The following PLEKHA7 variants were observed in gnomAD, a reference collection of about 807,000 sequenced individuals.
PLEKHA7 encodes pleckstrin homology domain-containing family A member 7.
Under a neutral mutation model 170.0 loss-of-function variants are expected in PLEKHA7, and 104 were observed. The observed-to-expected ratio is 0.61, with a 90% confidence interval of 0.52 to 0.72. The LOEUF is 0.72. Ranked by LOEUF, PLEKHA7 falls within the 30% of genes least tolerant of loss-of-function variation. PLEKHA7 has a pLI of 0.00. For missense variants in PLEKHA7, 1,615 were observed against 1,671.7 expected, an observed-to-expected ratio of 0.97 and a Z score of 0.59; for synonymous variants, 648 against 660.8, an observed-to-expected ratio of 0.98 and a Z score of 0.30.
intron 3 of PLEKHA7, among the ~76,000 whole-genome samples, chr11:16,977,368 A>C (rs1863133347): frequency 6.6e-6 from 1 of 152,002 alleles, no homozygotes; most frequent in Non-Finnish European, 1.5e-5. Context: ...ACTGTTACAC[A>C]TTGCTCACAC....
chr11:16,793,672 G>T (rs1848013565), intron 19 of PLEKHA7, among the ~76,000 whole-genome samples: 1 of 152,220 alleles, frequency 6.6e-6, no homozygotes, highest in Non-Finnish European at 1.5e-5. Flanking sequence ...GCCAAGGCTG[G>T]CCTGGCCCTG....
intron 13 of PLEKHA7, 49 bp from the exon 14 acceptor site, chr11:16,803,344 A>C: frequency 6.4e-7 from 1 of 1,559,680 alleles, no homozygotes; most frequent in African/African-American, 1.4e-5. Flanking sequence ...GTTTGAGATC[A>C]GAACTCAGGA....
chr11:16,858,138 G>A (rs376307624), intron 4 of PLEKHA7, among the ~76,000 whole-genome samples: 58 of 152,292 alleles, frequency 3.8e-4, no homozygotes, highest in African/African-American at 1.3e-3. Flanking sequence ...TCCAGCTACT[G>A]AAAGGAAAAC....
intron 9 of PLEKHA7, among the ~76,000 whole-genome samples, chr11:16,833,832 C>G (rs1615979): frequency 0.021 from 3,233 of 152,214 alleles, 69 homozygotes; most frequent in South Asian, 0.099. Flanking sequence ...AGCACTTTAC[C>G]ACCTCTTCTT....
At chr11:16,826,735 G>A (rs1320191110) in intron 9 of PLEKHA7, 145 bp from the exon 10 acceptor site, 3 of 752,454 alleles carry the variant, frequency 4.0e-6, no homozygotes, top group African/African-American at 3.5e-5. Context: ...CACTCTGCCT[G>A]CCTAACTTCT....
intron 3 of PLEKHA7, among the ~76,000 whole-genome samples, chr11:16,934,901 G>T (rs1445255390): frequency 1.3e-5 from 2 of 152,158 alleles, no homozygotes; most frequent in Non-Finnish European, 2.9e-5. Context: ...AAAGAGTCTG[G>T]TTATAATTAG....
chr11:16,978,682 G>A (rs560670320), intron 3 of PLEKHA7, among the ~76,000 whole-genome samples: 1 of 152,304 alleles, frequency 6.6e-6, no homozygotes, highest in South Asian at 2.1e-4. Context: ...TAAGCAAGTT[G>A]CAATGAACAT....
chr11:16,992,445 C>T (rs574513884), intron 3 of PLEKHA7, among the ~76,000 whole-genome samples: 116 of 152,262 alleles, frequency 7.6e-4, no homozygotes, highest in African/African-American at 2.7e-3. Context: ...CTGCAGGATT[C>T]TTATGAGGTT....
intron 3 of PLEKHA7, among the ~76,000 whole-genome samples, chr11:16,992,762 A>C (rs902319736): frequency 6.6e-6 from 1 of 151,946 alleles, no homozygotes; most frequent in African/African-American, 2.4e-5. Flanking sequence ...TCTCAAAAAA[A>C]AAAAAAAAAA....
chr11:16,966,190 C>T (rs1215662838), intron 3 of PLEKHA7, among the ~76,000 whole-genome samples: 1 of 152,004 alleles, frequency 6.6e-6, no homozygotes. Context: ...CTAAAACAAA[C>T]AAACACATGC....
In PLEKHA7 at chr11:16,951,388, A is replaced by G. The variant is rs1326008105; in HGVS notation, c.221+62601T>C. Among the ~76,000 whole-genome samples, 9 of 152,220 alleles carry G rather than the reference A, an allele frequency of 5.9e-5. No individual in the cohort carries two copies. In the South Asian group the frequency reaches 1.7e-3, roughly 28 times the overall value. On this transcript the variant is annotated intron_variant, in intron 3 of 26. Coordinates refer to ENST00000531066, the MANE Select transcript of PLEKHA7 (RefSeq NM_001329630.2). Reference sequence around the variant, plus strand: ...TGATGATGATGACGAAGAAGACAACAACAATAACGGTGCATTCTACCAAGC... The same window carrying G: ...TGATGATGATGACGAAGAAGACAACGACAATAACGGTGCATTCTACCAAGC...
chr11:16,895,812 C>A (rs982161610), intron 3 of PLEKHA7, among the ~76,000 whole-genome samples: 11 of 152,172 alleles, frequency 7.2e-5, no homozygotes, highest in Admixed American at 5.9e-4. Flanking sequence ...ATAAACAAAC[C>A]CTCACCTGAA....
chr11:16,777,638 G>C lies in PLEKHA7; in HGVS notation c.*1360C>G, dbSNP rs945814764. On this transcript the variant is annotated 3_prime_UTR_variant, in exon 27 of 27. Coordinates refer to ENST00000531066, the MANE Select transcript of PLEKHA7 (RefSeq NM_001329630.2). Reference sequence around the variant, plus strand: ...ATTGTTTATATGCAGAATAATATAAGAAAACAACTTAAATAAAGGGCCACA... The same window carrying C: ...ATTGTTTATATGCAGAATAATATAACAAAACAACTTAAATAAAGGGCCACA... The C allele has an allele frequency of 2.6e-5, 4 of 152,098 alleles. No homozygotes were observed. The highest frequency in any genetic ancestry group is 9.7e-5 in the African/African-American group (4 of 41,414). 9.4% of individuals were successfully genotyped at this position (152,098 alleles called of 1,614,324 possible).
intron 8 of PLEKHA7, among the ~76,000 whole-genome samples, chr11:16,845,975 G>A (rs1852369716): frequency 6.6e-6 from 1 of 152,110 alleles, no homozygotes; most frequent in Non-Finnish European, 1.5e-5. Context: ...AGAGGTAGTG[G>A]CGACCATTTA....
At chr11:16,807,150 C>G (rs1425680136) in intron 13 of PLEKHA7, 1 of 984,384 alleles carries the variant, frequency 1.0e-6, no homozygotes. Flanking sequence ...TTACGCTTCT[C>G]CTGGGCCGAC....
At chr11:16,866,811 C>T (rs191544330) in intron 4 of PLEKHA7, among the ~76,000 whole-genome samples, 40 of 152,194 alleles carry the variant, frequency 2.6e-4, no homozygotes, top group African/African-American at 9.2e-4. Context: ...ACAGCTTTCA[C>T]ATTATTTCTT....
rs183627443 is a variant in PLEKHA7, at chr11:16,999,216, C to T, written c.221+14773G>A. Among the ~76,000 whole-genome samples, 45 of 152,066 alleles carry T rather than the reference C, an allele frequency of 3.0e-4. No individual in the cohort carries two copies. The East Asian group carries it at 7.2e-3, about 24-fold the overall frequency. On this transcript the variant is annotated intron_variant, in intron 3 of 26. Transcript: ENST00000531066. ...CTTGCTCATCACTGCCACTGTCTGC[C>T]GGGACACATGTATTCTCCCACACAG...
intron 8 of PLEKHA7, among the ~76,000 whole-genome samples, chr11:16,843,233 A>C (rs1313596397): frequency 6.6e-6 from 1 of 152,248 alleles, no homozygotes; most frequent in Non-Finnish European, 1.5e-5. Context: ...GGGTGATTAC[A>C]CAGATAACTG....
intron 3 of PLEKHA7, among the ~76,000 whole-genome samples, chr11:16,913,118 G>A (rs562882527): frequency 6.6e-6 from 1 of 152,250 alleles, no homozygotes; most frequent in East Asian, 1.9e-4. Context: ...ATGACAGCCG[G>A]ATTTCCTATT....
Sources: gnomAD v4.1 joint callset for allele counts (sites outside exome capture counted in the v4.1 genomes callset) on GRCh38, gnomAD v4.1.1 for gene constraint, MANE v1.5 for transcripts, NCBI Gene and HGNC (gene_info 2026-07-23, HGNC 2026-07-21) for gene names.